ROBO2: variants seen among roughly 807,000 people sequenced by gnomAD.
ROBO2 encodes the protein roundabout guidance receptor 2.
Under a neutral mutation model 160.8 loss-of-function variants are expected in ROBO2, and 53 were observed. That is an observed-to-expected ratio of 0.33 (90% CI 0.26 to 0.41). ROBO2 has a LOEUF of 0.41. Ranked by LOEUF, ROBO2 falls within the 10% of genes least tolerant of loss-of-function variation. The probability of loss-of-function intolerance (pLI) is 1.00; values close to 1 mark genes in which losing one functional copy is unlikely to be tolerated. For missense variants in ROBO2, 1,577 were observed against 1,722.4 expected (o/e 0.92, Z 1.49); for synonymous variants, 664 against 611.7 (o/e 1.09, Z -1.26).
At chr3:76,962,404 T>A (rs540244797) in intron 2 of ROBO2, among the ~76,000 whole-genome samples, 1 of 151,858 alleles carries the variant, frequency 6.6e-6, no homozygotes, top group African/African-American at 2.4e-5. Context: ...TTTGGAAGGC[T>A]GAGGCAGGCA....
At chr3:76,975,679 A>G (rs2059783999) in intron 2 of ROBO2, among the ~76,000 whole-genome samples, 1 of 152,162 alleles carries the variant, frequency 6.6e-6, no homozygotes, top group South Asian at 2.1e-4. Context: ...GAGAAACATA[A>G]GTCTTCTAAT....
chr3:76,221,064 C>T (rs998556465), intron 2 of ROBO2, among the ~76,000 whole-genome samples: 8 of 152,174 alleles, frequency 5.3e-5, no homozygotes, highest in African/African-American at 1.9e-4. Context: ...TGTAGATATA[C>T]TCTTCTTTAC....
intron 2 of ROBO2, among the ~76,000 whole-genome samples, chr3:76,623,863 G>C (rs1009853342): frequency 3.9e-5 from 6 of 152,144 alleles, no homozygotes; most frequent in Admixed American, 2.0e-4. Context: ...AGGTTGTACA[G>C]TACAACTGGG....
chr3:76,806,207 C>CTGTGTGTG (rs781013563), intron 2 of ROBO2, among the ~76,000 whole-genome samples: 16 of 80,420 alleles, frequency 2.0e-4, no homozygotes, highest in Non-Finnish European at 3.7e-4. Context: ...TGTTTATTTT[C>CTGTGTGTG]TGTGTGCGTG....
At chr3:76,559,265 T>C (rs2084004335) in intron 2 of ROBO2, among the ~76,000 whole-genome samples, 1 of 152,156 alleles carries the variant, frequency 6.6e-6, no homozygotes. Flanking sequence ...TCTCTTGCAA[T>C]GATGCAATAT....
At chr3:76,326,033 G>T (rs373018247) in intron 2 of ROBO2, among the ~76,000 whole-genome samples, 29 of 152,062 alleles carry the variant, frequency 1.9e-4, no homozygotes, top group African/African-American at 6.5e-4. Context: ...AGAAAAACAT[G>T]TTGAAAATCA....
At chr3:76,510,992 T>C (rs572063014) in intron 2 of ROBO2, among the ~76,000 whole-genome samples, 8 of 152,324 alleles carry the variant, frequency 5.3e-5, no homozygotes, top group South Asian at 2.1e-4. Context: ...TTTGTGATGA[T>C]AAAACATCTG....
At chr3:75,975,549 C>A (rs2065113717) in intron 2 of ROBO2, among the ~76,000 whole-genome samples, 1 of 151,182 alleles carries the variant, frequency 6.6e-6, no homozygotes, top group Non-Finnish European at 1.5e-5. Flanking sequence ...TCAGACAACT[C>A]TTTTTTTCCC....
At chr3:76,358,522 T>C (rs115905104) in intron 2 of ROBO2, among the ~76,000 whole-genome samples, 1 of 152,056 alleles carries the variant, frequency 6.6e-6, no homozygotes, top group African/African-American at 2.4e-5. Context: ...AAATACATAT[T>C]TCTATGCCTA....
chr3:76,996,036 T>C (rs566660402), intron 2 of ROBO2, among the ~76,000 whole-genome samples: 148 of 152,322 alleles, frequency 9.7e-4, no homozygotes, highest in East Asian at 3.3e-3. Flanking sequence ...CATGCCTATG[T>C]CCTGAATGGT....
At chr3:76,343,368 G>A (rs2074342625) in intron 2 of ROBO2, among the ~76,000 whole-genome samples, 1 of 152,024 alleles carries the variant, frequency 6.6e-6, no homozygotes, top group Non-Finnish European at 1.5e-5. Context: ...TGAGTTTAGT[G>A]TGGAATTCAA....
In ROBO2 at chr3:77,616,957, TAA is replaced by T. The variant is rs561607967; in HGVS notation, c.3294-554_3294-553del. 1.8e-4 allele frequency among the ~76,000 whole-genome samples: 28 copies of T among 152,284 alleles called. No individual in the cohort carries two copies. The South Asian group carries it at 5.4e-3, about 29-fold the overall frequency. On this transcript the variant is annotated intron_variant, in intron 21 of 25. Coordinates refer to ENST00000461745, the Ensembl canonical transcript of ROBO2. ...TGTGATTTGCATTTGGATGACAAGA[TAA>T]AGAGGACATTAGTTTCTACTGAGAA...
chr3:76,298,608 A>G (rs1709202284), intron 2 of ROBO2, among the ~76,000 whole-genome samples: 1 of 152,212 alleles, frequency 6.6e-6, no homozygotes, highest in Admixed American at 6.5e-5. Flanking sequence ...CTCCGAGTGC[A>G]GGCTCTCTTC....
intron 2 of ROBO2, among the ~76,000 whole-genome samples, chr3:76,695,563 G>T (rs960134340): frequency 6.6e-6 from 1 of 152,050 alleles, no homozygotes; most frequent in Non-Finnish European, 1.5e-5. Context: ...TTATTAGTTT[G>T]TATTATTAAT....
chr3:76,322,341 G>T (rs2107903653), intron 2 of ROBO2, among the ~76,000 whole-genome samples: 1 of 151,222 alleles, frequency 6.6e-6, no homozygotes, highest in Admixed American at 6.6e-5. Context: ...TATAACGTTT[G>T]CTTCATTTAT....
chr3:77,019,553 T>C (rs896425278), intron 2 of ROBO2, among the ~76,000 whole-genome samples: 1 of 152,094 alleles, frequency 6.6e-6, no homozygotes, highest in Non-Finnish European at 1.5e-5. Flanking sequence ...AAATTCTTCA[T>C]GAGCCGATGG....
chr3:77,545,362 T>C (rs1582851800), intron 6 of ROBO2, among the ~76,000 whole-genome samples: 1 of 152,140 alleles, frequency 6.6e-6, no homozygotes, highest in Non-Finnish European at 1.5e-5. Context: ...AATGTGTTCA[T>C]TTTTCCATTT....
At chr3:76,190,863 C>T (rs561465759) in intron 2 of ROBO2, among the ~76,000 whole-genome samples, 2 of 152,170 alleles carry the variant, frequency 1.3e-5, no homozygotes, top group East Asian at 1.9e-4. Context: ...ACTATATATG[C>T]TCAGTTATTT....
chr3:76,033,446 T>C (rs1005203727), intron 2 of ROBO2, among the ~76,000 whole-genome samples: 16 of 152,332 alleles, frequency 1.1e-4, no homozygotes, highest in South Asian at 2.1e-4. Flanking sequence ...TAGGGCCTGC[T>C]ACTGTGGTGT....
Sources: allele counts gnomAD v4.1 joint callset (sites outside exome capture counted in the v4.1 genomes callset), GRCh38; gene constraint gnomAD v4.1.1; transcripts MANE v1.5; gene names NCBI Gene and HGNC (gene_info 2026-07-23, HGNC 2026-07-21).